The following GPHN variants were observed in gnomAD, a reference collection of about 807,000 sequenced individuals.
GPHN encodes gephyrin.
A neutral mutation model predicts 95.5 loss-of-function variants in GPHN; 17 were observed. That is an observed-to-expected ratio of 0.18 (90% CI 0.12 to 0.27). The LOEUF (loss-of-function observed/expected upper bound fraction) is 0.27, where lower values mean the gene tolerates loss of function less well. GPHN is among the 10% of genes least tolerant of loss of function. The pLI is 1.00. For synonymous variants in GPHN, 320 were observed against 322.5 expected, an observed-to-expected ratio of 0.99 and a Z score of 0.08; for missense variants, 660 against 978.1, an observed-to-expected ratio of 0.67 and a Z score of 4.34.
intron 11 of GPHN, among the ~76,000 whole-genome samples, chr14:67,076,528 T>C (rs1024707233): frequency 1.3e-5 from 2 of 152,180 alleles, no homozygotes; most frequent in Non-Finnish European, 2.9e-5. Flanking sequence ...CTCTTAATCC[T>C]TAGCCTTAGT....
At chr14:67,573,777 T>A in the GPHN span, 1 of 1,513,448 alleles carries the variant, frequency 6.6e-7, no homozygotes, top group African/African-American at 1.4e-5. The surrounding 1 kb of genome is among the most constrained non-coding windows in gnomAD (Gnocchi z 4.8). Flanking sequence ...TCAGTGGCTC[T>A]CCTCTCCAAT....
At chr14:66,794,437 A>T (rs1349907427) in intron 3 of GPHN, among the ~76,000 whole-genome samples, 1 of 152,214 alleles carries the variant, frequency 6.6e-6, no homozygotes, top group East Asian at 1.9e-4. Flanking sequence ...GAGCCAGTTA[A>T]ACCTGTTTTC....
rs34424353 is a variant in GPHN at position 66,579,422 on chromosome 14, TA to T, written c.64+70843del. ...AAAGATACAGAGCAGCTGAATGGAT[TA>T]AAAAAAAAAAAGTCCAAACTATATG... On this transcript the variant is annotated intron_variant, in intron 1 of 22. Coordinates refer to ENST00000478722, the MANE Select transcript of GPHN (RefSeq NM_020806.5). Among the ~76,000 whole-genome samples the T allele has an allele frequency of 2.8e-3, 403 of 142,850 alleles. 6 individuals are homozygous for T. Among genetic ancestry groups the T allele is most frequent in the African/African-American group, 6.1e-3 (240 of 39,420 alleles). 93.7% of individuals were successfully genotyped at this position (142,850 alleles called of 152,430 possible).
intron 13 of GPHN, among the ~76,000 whole-genome samples, chr14:67,101,818 G>GA (rs898026744): frequency 6.6e-6 from 1 of 150,490 alleles, no homozygotes; most frequent in African/African-American, 2.4e-5. Flanking sequence ...ATTTTTATAG[G>GA]AAAAAAATAA....
chr14:67,265,902 A>AT, the GPHN span, among the ~76,000 whole-genome samples: 1 of 151,748 alleles, frequency 6.6e-6, no homozygotes, highest in South Asian at 2.1e-4. Context: ...AACCCAGGAC[A>AT]TTTGCACTTG....
intron 1 of GPHN, among the ~76,000 whole-genome samples, chr14:66,557,233 GTAGGTAGATAGATAGATAGATAGA>G (rs1286767791): frequency 7.4e-6 from 1 of 135,310 alleles, no homozygotes; most frequent in Non-Finnish European, 1.6e-5. Context: ...AGATACATAG[GTAGGTAGATAGATAGATAGATAGA>G]TAGATAGATA....
the GPHN span, among the ~76,000 whole-genome samples, chr14:67,681,504 C>A: frequency 6.6e-6 from 1 of 152,078 alleles, no homozygotes; most frequent in African/African-American, 2.4e-5. Flanking sequence ...AGTTCAAGGC[C>A]GGGTGTGGTG....
intron 9 of GPHN, among the ~76,000 whole-genome samples, chr14:66,982,603 C>G (rs920006945): frequency 6.6e-6 from 1 of 152,130 alleles, no homozygotes; most frequent in African/African-American, 2.4e-5. Context: ...CTTTTAACAT[C>G]TTGGTAAAAT....
intron 1 of GPHN, among the ~76,000 whole-genome samples, chr14:66,538,685 T>C (rs1046411035): frequency 2.6e-5 from 4 of 151,874 alleles, no homozygotes; most frequent in African/African-American, 9.7e-5. Context: ...CATTAGCCTA[T>C]GGATAATGGC....
intron 13 of GPHN, among the ~76,000 whole-genome samples, chr14:67,108,725 G>A (rs193140127): frequency 3.3e-5 from 5 of 150,322 alleles, no homozygotes; most frequent in Admixed American, 2.0e-4. Flanking sequence ...GTGTGTGTGT[G>A]TGTGTGTGTG....
At chr14:66,591,887 G>C (rs1371796954) in intron 1 of GPHN, among the ~76,000 whole-genome samples, 1 of 152,130 alleles carries the variant, frequency 6.6e-6, no homozygotes, top group African/African-American at 2.4e-5. Flanking sequence ...GAGGCATCAT[G>C]CTACCTGAAT....
chr14:66,692,523 A>T (rs1326777781), intron 2 of GPHN, among the ~76,000 whole-genome samples: 2 of 152,184 alleles, frequency 1.3e-5, no homozygotes. Context: ...CTCTCTAATA[A>T]GTCCTAAATT....
At chr14:67,089,149 T>C (rs1234415480) in intron 12 of GPHN, 74 bp downstream of exon 12, 4 of 524,404 alleles carry the variant, frequency 7.6e-6, no homozygotes, top group African/African-American at 2.1e-5. Flanking sequence ...TTTTTTTTTT[T>C]TTTTTTTTTC....
At chr14:66,980,913 G>C (rs752276964) in intron 9 of GPHN, among the ~76,000 whole-genome samples, 2 of 152,126 alleles carry the variant, frequency 1.3e-5, no homozygotes, top group Non-Finnish European at 2.9e-5. Context: ...AGCTGGGTGT[G>C]TGGTGCATGC....
chr14:67,327,487 ATTTT>A, the GPHN span, among the ~76,000 whole-genome samples: 1 of 147,976 alleles, frequency 6.8e-6, no homozygotes, highest in Non-Finnish European at 1.5e-5. Flanking sequence ...TTTTTATTTT[ATTTT>A]TTTATTTTTT....
the GPHN span, chr14:67,472,393 C>T: frequency 1.3e-5 from 2 of 152,384 alleles, no homozygotes; most frequent in Non-Finnish European, 1.5e-5. Context: ...CTTTTCCCCA[C>T]CAAACTGACT....
At chr14:67,608,881 T>G in the GPHN span, among the ~76,000 whole-genome samples, 1 of 152,200 alleles carries the variant, frequency 6.6e-6, no homozygotes, top group Non-Finnish European at 1.5e-5. Flanking sequence ...AACAGTTTGA[T>G]TCTCCTGTTG....
At chr14:66,980,895 A>G (rs1169521288) in intron 9 of GPHN, among the ~76,000 whole-genome samples, 1 of 152,148 alleles carries the variant, frequency 6.6e-6, no homozygotes, top group Non-Finnish European at 1.5e-5. Context: ...TATTAAAAAC[A>G]CAAAATTAGC....
chr14:66,710,273 T>C lies in GPHN; in HGVS notation c.143+29088T>C, dbSNP rs560608584. Among the ~76,000 whole-genome samples the C allele has an allele frequency of 1.2e-4, 19 of 152,292 alleles. No individual in the cohort carries two copies. The South Asian group carries it at 3.3e-3, about 27-fold the overall frequency. On this transcript the variant is annotated intron_variant, in intron 2 of 22. Transcript: ENST00000478722. ...ATATATGCCAAATAGATTCCAGTTA[T>C]CAATCATTTGGTAATTTACTCCTCT...
Sources: gnomAD v4.1 joint callset for allele counts (sites outside exome capture counted in the v4.1 genomes callset) on GRCh38, gnomAD v4.1.1 for gene constraint, Gnocchi (gnomAD v3.1) non-coding constraint, MANE v1.5 for transcripts, NCBI Gene and HGNC (gene_info 2026-07-23, HGNC 2026-07-21) for gene names.